The following WWOX variants were observed in gnomAD, a reference collection of about 807,000 sequenced individuals.
WWOX encodes WW domain-containing oxidoreductase.
Under a neutral mutation model 46.2 loss-of-function variants are expected in WWOX, and 69 were observed. The observed-to-expected ratio is 1.49, with a 90% CI of 1.23 to 1.82. WWOX has a LOEUF of 1.82. WWOX is among the 40% of genes most tolerant of loss of function. WWOX has a pLI of 0.00. For synonymous variants in WWOX, 359 were observed against 202.6 expected, an observed-to-expected ratio of 1.77 and a Z score of -6.56; for missense variants, 919 against 542.6, an observed-to-expected ratio of 1.69 and a Z score of -6.89.
intron 8 of WWOX, chr16:79,016,328 G>A (rs1201743485): frequency 1.3e-5 from 2 of 152,210 alleles, no homozygotes; most frequent in Non-Finnish European, 2.9e-5. Context: ...TCACAGTTGG[G>A]TGGTTGCTCC....
chr16:78,606,383 G>A (rs908458344), intron 8 of WWOX, among the ~76,000 whole-genome samples: 2 of 151,856 alleles, frequency 1.3e-5, no homozygotes, highest in African/African-American at 4.8e-5. Flanking sequence ...CGGTTACTTT[G>A]GATTTATTCT....
At chr16:78,962,200 A>G (rs1183164746) in intron 8 of WWOX, among the ~76,000 whole-genome samples, 1 of 148,896 alleles carries the variant, frequency 6.7e-6, no homozygotes, top group Admixed American at 6.8e-5. Flanking sequence ...CACCCTGTGG[A>G]TGACTTTCTG....
At chr16:78,177,209 C>G (rs1485472736) in intron 5 of WWOX, among the ~76,000 whole-genome samples, 1 of 152,116 alleles carries the variant, frequency 6.6e-6, no homozygotes, top group East Asian at 1.9e-4. Context: ...AAATGTTTTC[C>G]CAACCCAGTT....
In WWOX at chr16:78,153,462, C is replaced by G. The variant is rs571093519; in HGVS notation, c.410-10721C>G. 3.3e-5 allele frequency among the ~76,000 whole-genome samples: 5 copies of G among 152,256 alleles called. No individual in the cohort carries two copies. In the South Asian group the frequency reaches 6.2e-4, roughly 19 times the overall value. On this transcript the variant is annotated intron_variant, in intron 4 of 8. Transcript: ENST00000566780. The stretch of plus-strand genomic sequence containing the variant: ...CCCCACATTTGCATTGTCCCCAAAT[C>G]TAACCCAAGCTGAAAGACATTAGGC...
At chr16:78,848,673 A>G (rs934613791) in intron 8 of WWOX, among the ~76,000 whole-genome samples, 1 of 152,170 alleles carries the variant, frequency 6.6e-6, no homozygotes, top group Non-Finnish European at 1.5e-5. Flanking sequence ...GCTGACCCTG[A>G]AGCAGAAAGC....
At chr16:78,279,266 G>A (rs745321612) in intron 5 of WWOX, among the ~76,000 whole-genome samples, 1 of 152,040 alleles carries the variant, frequency 6.6e-6, no homozygotes, top group Non-Finnish European at 1.5e-5. Flanking sequence ...TGAAAAGAGT[G>A]TGTGTGTGTA....
chr16:78,642,019 A>G (rs558612529), intron 8 of WWOX, among the ~76,000 whole-genome samples: 2 of 152,272 alleles, frequency 1.3e-5, no homozygotes, highest in East Asian at 3.9e-4. Flanking sequence ...AAGAAGAAAA[A>G]CAGCAACGAG....
chr16:79,130,825 T>G (rs930913136), intron 8 of WWOX, among the ~76,000 whole-genome samples: 1 of 152,196 alleles, frequency 6.6e-6, no homozygotes, highest in African/African-American at 2.4e-5. Flanking sequence ...TCTTTGAGAT[T>G]TCCATGTTCT....
At chr16:78,821,125 A>G (rs1413328315) in intron 8 of WWOX, among the ~76,000 whole-genome samples, 5 of 152,220 alleles carry the variant, frequency 3.3e-5, no homozygotes, top group African/African-American at 1.2e-4. Flanking sequence ...ACTGCACTGC[A>G]TCAAACGTAT....
chr16:79,199,437 A>G (rs2150826159), intron 8 of WWOX, among the ~76,000 whole-genome samples: 1 of 152,324 alleles, frequency 6.6e-6, no homozygotes, highest in Non-Finnish European at 1.5e-5. Context: ...GTGGACCCTC[A>G]CAGAAAGCGT....
chr16:78,540,805 G>C (rs1490593929), intron 8 of WWOX, among the ~76,000 whole-genome samples: 1 of 152,080 alleles, frequency 6.6e-6, no homozygotes, highest in African/African-American at 2.4e-5. Context: ...TCCCACCTCA[G>C]CCTGAGTAGA....
chr16:78,725,344 C>CTTTTTTTTTTTTTTTTTTTTTTTTT (rs1220702069), intron 8 of WWOX, among the ~76,000 whole-genome samples: 1 of 61,872 alleles, frequency 1.6e-5, no homozygotes, highest in Non-Finnish European at 2.8e-5. Flanking sequence ...CTTTTCTTTT[C>CTTTTTTTTTTTTTTTTTTTTTTTTT]TTTTTTTTTT....
At chr16:78,434,899 G>A (rs952763183) in intron 8 of WWOX, among the ~76,000 whole-genome samples, 4 of 152,182 alleles carry the variant, frequency 2.6e-5, no homozygotes, top group East Asian at 1.9e-4. Flanking sequence ...GGGCATGTGG[G>A]AAAAGAAGGA....
intron 8 of WWOX, among the ~76,000 whole-genome samples, chr16:78,576,392 A>G (rs1043453737): frequency 3.9e-5 from 6 of 152,206 alleles, no homozygotes; most frequent in African/African-American, 1.2e-4. Context: ...GCATAGAGCT[A>G]TGATGTGTTT....
intron 8 of WWOX, among the ~76,000 whole-genome samples, chr16:79,033,146 A>T (rs918049982): frequency 6.8e-5 from 10 of 146,932 alleles, no homozygotes; most frequent in African/African-American, 2.2e-4. Flanking sequence ...TAGATGTAAT[A>T]TATATATAAT....
chr16:78,916,685 T>C, intron 8 of WWOX, among the ~76,000 whole-genome samples: 1 of 152,146 alleles, frequency 6.6e-6, no homozygotes, highest in Non-Finnish European at 1.5e-5. Flanking sequence ...AGGCACAATA[T>C]CTCAGACTTG....
intron 8 of WWOX, among the ~76,000 whole-genome samples, chr16:78,787,354 C>G (rs1238466754): frequency 2.0e-5 from 3 of 152,134 alleles, no homozygotes; most frequent in Admixed American, 2.0e-4. Flanking sequence ...CCCTCATAAC[C>G]ACATCTACTT....
At chr16:78,897,910 C>T (rs2044739238) in intron 8 of WWOX, 1 of 152,026 alleles carries the variant, frequency 6.6e-6, no homozygotes. Context: ...TTTGCATTTT[C>T]CTAGTGACTA....
chr16:78,245,560 G>A (rs1005689021), intron 5 of WWOX, among the ~76,000 whole-genome samples: 3 of 152,172 alleles, frequency 2.0e-5, no homozygotes, highest in African/African-American at 7.2e-5. Context: ...TTGAAATGTT[G>A]AGATACGAAT....
Sources: gnomAD v4.1 joint callset for allele counts (sites outside exome capture counted in the v4.1 genomes callset) on GRCh38, gnomAD v4.1.1 for gene constraint, MANE v1.5 for transcripts, NCBI Gene and HGNC (gene_info 2026-07-23, HGNC 2026-07-21) for gene names.